FIZ1: variants seen among roughly 807,000 people sequenced by gnomAD.
FIZ1 encodes the protein FLT3 interacting zinc finger 1, also known as flt3-interacting zinc finger protein 1.
In FIZ1, 2 loss-of-function variants were observed where a neutral mutation model predicts 5.3. That is an observed-to-expected ratio of 0.37 (90% confidence interval 0.15 to 1.18). The LOEUF is 1.18. Ranked by LOEUF, FIZ1 falls within the 50% of genes most tolerant of loss-of-function variation. The probability of loss-of-function intolerance (pLI) is 0.37; values close to 1 mark genes in which losing one functional copy is unlikely to be tolerated. For synonymous variants in FIZ1, 407 were observed against 364.2 expected, an observed-to-expected ratio of 1.12 and a Z score of -1.34; for missense variants, 631 against 749.7, an observed-to-expected ratio of 0.84 and a Z score of 1.85.
At chr19:55,594,710 A>G (rs1980238528) in intron 2 of FIZ1, among the ~76,000 whole-genome samples, 1 of 151,402 alleles carries the variant, frequency 6.6e-6, no homozygotes, top group Non-Finnish European at 1.5e-5. Flanking sequence ...AAAAAAAAAA[A>G]AAAAAAAAGA....
In FIZ1 at chr19:55,594,485, CAGG is replaced by C. The variant is rs373635258; in HGVS notation, c.295-842_295-840del. Among the ~76,000 whole-genome samples, 1,481 of 150,702 alleles carry C rather than the reference CAGG, an allele frequency of 9.8e-3. 33 individuals are homozygous for C. The highest frequency in any genetic ancestry group is 0.035 in the African/African-American group (1,416 of 40,878). ...GGCCGAGGCGGGCGGATCATGAGGT[CAGG>C]AGATCGAGACCATCCTGGCTAACAC... On this transcript the variant is annotated intron_variant, in intron 2 of 2. Coordinates refer to ENST00000221665, the MANE Select transcript of FIZ1 (RefSeq NM_032836.3).
intron 1 of FIZ1, 159 bp from the exon 2 acceptor site, chr19:55,598,060 T>C (rs572314231): frequency 1.2e-6 from 1 of 850,430 alleles, no homozygotes; most frequent in Non-Finnish European, 1.8e-6. Flanking sequence ...TCCTACTCTC[T>C]TAGAAACCCT....
chr19:55,595,972 CCATA>C (rs1307658830), intron 2 of FIZ1, among the ~76,000 whole-genome samples: 1 of 152,200 alleles, frequency 6.6e-6, no homozygotes, highest in Admixed American at 6.5e-5. Context: ...TGACTCGAGG[CCATA>C]CAAAGGGTGG....
rs71181796 is a variant in FIZ1 at position 55,594,696 on chromosome 19, C to CAA, written c.295-1052_295-1051dup. 9.8e-3 allele frequency among the ~76,000 whole-genome samples: 839 copies of CAA among 86,004 alleles called. 19 individuals carry two copies. The highest frequency in any genetic ancestry group is 0.014 in the Middle Eastern group (2 of 142). 56.4% of individuals were successfully genotyped at this position (86,004 alleles called of 152,430 possible). A position where few individuals can be genotyped will look rare whatever the true frequency, so the allele number is the denominator to read the frequency against. On this transcript the variant is annotated intron_variant, in intron 2 of 2. Coordinates refer to ENST00000221665, the MANE Select transcript of FIZ1 (RefSeq NM_032836.3). ...TGGGCGACAGAGCGAGACTCTGTCT[C>CAA]AAAAAAAAAAAAAAAAAAAAAAGAA...
In FIZ1 at chr19:55,593,265, T is replaced by C; in HGVS notation, c.676A>G (p.Lys226Glu). The C allele has an allele frequency of 7.8e-7, 1 of 1,276,014 alleles. No individual in the cohort carries two copies. Among genetic ancestry groups the C allele is most frequent in the Non-Finnish European group, 1.0e-6 (1 of 1,003,196 alleles). 79.0% of individuals were successfully genotyped at this position (1,276,014 alleles called of 1,614,324 possible). A position where few individuals can be genotyped will look rare whatever the true frequency, so the allele number is the denominator to read the frequency against. ...AAHWAAHTDV[K>E]PFKCPRCERD... is the part of the protein sequence containing the mutation. ...TCGCAGCGCGGGCACTTGAAGGGCTTCACGTCGGTGTGCGCCGCCCAGTGG... is the reference window on the plus strand; with the variant it reads ...TCGCAGCGCGGGCACTTGAAGGGCTCCACGTCGGTGTGCGCCGCCCAGTGG... The change falls in exon 3 of 3, where the codon AAG (lysine) becomes GAG (glutamate). Residue 226 changes from lysine to glutamate, a missense_variant. Lys to Glu is a moderately conservative substitution (Grantham distance 56, BLOSUM62 1). Around this residue, in one of 4 missense-constraint regions of FIZ1, gnomAD observed 463 missense variants for 455.1 expected, o/e 1.02. Transcript: ENST00000221665. The surrounding 1 kb of genome is among the most constrained non-coding windows in gnomAD (Gnocchi z 6.3).
At chr19:55,597,287 G>A (rs964807827) in intron 2 of FIZ1, among the ~76,000 whole-genome samples, 3 of 152,240 alleles carry the variant, frequency 2.0e-5, no homozygotes, top group Non-Finnish European at 2.9e-5. Flanking sequence ...ATGCTGGTGC[G>A]TGCACGCGGG....
chr19:55,593,035 C>T lies in FIZ1; in HGVS notation c.906G>A (p.Val302=). 7.1e-7 allele frequency: 1 copy of T among 1,416,988 alleles called. No individual in the cohort carries two copies. The highest frequency in any genetic ancestry group is 1.4e-5 in the South Asian group (1 of 70,428). The allele number at this position is 1,416,988 out of a possible 1,614,324, so 87.8% of individuals were successfully genotyped here. The change falls in exon 3 of 3, where the codon GTG becomes GTA. Residue 302 remains valine (V), a synonymous_variant. Transcript: ENST00000221665. This position sits in a 1 kb window ranked among gnomAD's most constrained non-coding sequence, Gnocchi z 6.3. ...CGGGGAGCAGCCCCCCGAGCTTGGG[C>T]ACGCCGCCCCCCGCGGGGCCCAGGA... ...RLLLGPAGGG[V]PKLGGLLPEG... is the part of the protein sequence containing the mutation.
rs1176146887 is a variant in FIZ1, at chr19:55,597,500, T to C, written c.294+72A>G. Reference sequence around the variant, plus strand: ...TGGGCCAGCTTCCTTTTGCCCAGAGTACAGTGGGGCGCGGGATCCCACCGT... The same window carrying C: ...TGGGCCAGCTTCCTTTTGCCCAGAGCACAGTGGGGCGCGGGATCCCACCGT... On this transcript the variant is annotated intron_variant, in intron 2 of 2. Transcript: ENST00000221665. 2.0e-6 allele frequency: 3 copies of C among 1,525,116 alleles called. No homozygotes were observed. In the Admixed American group the frequency reaches 5.9e-5, roughly 30 times the overall value. The allele number at this position is 1,525,116 out of a possible 1,614,324, so 94.5% of individuals were successfully genotyped here.
At chr19:55,596,188 A>AG (rs1980317344) in intron 2 of FIZ1, among the ~76,000 whole-genome samples, 1 of 152,138 alleles carries the variant, frequency 6.6e-6, no homozygotes, top group Admixed American at 6.5e-5. Context: ...GGATTTAAGC[A>AG]GGGGTCACCT....
rs1980424763 is a variant in FIZ1, at chr19:55,598,129, T to C, written c.-36-228A>G. On this transcript the variant is annotated intron_variant, in intron 1 of 2. Coordinates refer to ENST00000221665, the MANE Select transcript of FIZ1 (RefSeq NM_032836.3). ...CCTAATCACTTCATAGTCTCCTCAC[T>C]CCACGGAGTGTTTTTAAGCCTCTCC... is the stretch of plus-strand genomic sequence containing the variant. 8.9e-6 allele frequency: 5 copies of C among 559,654 alleles called. No individual in the cohort carries two copies. In the East Asian group the frequency reaches 1.5e-4, roughly 17 times the overall value. The allele number at this position is 559,654 out of a possible 1,614,324, so 34.7% of individuals were successfully genotyped here. A position where few individuals can be genotyped will look rare whatever the true frequency, so the allele number is the denominator to read the frequency against.
At position 55,594,398 on chromosome 19, in the gene FIZ1, C is replaced by CAAA. The variant is rs1209856747; in HGVS notation, c.295-755_295-753dup. 5.0e-4 allele frequency among the ~76,000 whole-genome samples: 32 copies of CAAA among 63,804 alleles called. 1 individual carries two copies. Among genetic ancestry groups the CAAA allele is most frequent in the South Asian group, 1.4e-3 (2 of 1,448 alleles). 41.9% of individuals were successfully genotyped at this position (63,804 alleles called of 152,430 possible). On this transcript the variant is annotated intron_variant, in intron 2 of 2. Coordinates refer to ENST00000221665, the MANE Select transcript of FIZ1 (RefSeq NM_032836.3). Reference sequence around the variant, plus strand: ...TGGGTGACAGAGCGAGACTCTGTCTCAAAAAAAAAAAAAAAAAGCCCGGGT... The same window carrying CAAA: ...TGGGTGACAGAGCGAGACTCTGTCTCAAAAAAAAAAAAAAAAAAAAGCCCGGGT...
chr19:55,592,597 G>A lies in FIZ1; in HGVS notation c.1344C>T (p.Gly448=). 1 of 1,613,476 alleles carries A rather than the reference G, an allele frequency of 6.2e-7. No homozygotes were observed. The highest frequency in any genetic ancestry group is 8.5e-7 in the Non-Finnish European group (1 of 1,179,812). Residue 448 remains glycine (G), a synonymous_variant, in exon 3 of 3, where the codon GGC becomes GGT. Transcript: ENST00000221665. The surrounding 1 kb of genome is among the most constrained non-coding windows in gnomAD (Gnocchi z 6.9). ...GEKPFPCLEC[G]KFFRHECYLK... Reference sequence around the variant, plus strand: ...GGTAGCACTCGTGGCGGAAGAACTTGCCGCACTCCAGGCACGGGAACGGCT... The same window carrying A: ...GGTAGCACTCGTGGCGGAAGAACTTACCGCACTCCAGGCACGGGAACGGCT...
Position 55,591,913 on chromosome 19 carries a change from T to G in FIZ1, c.*537A>C. 1 of 153,456 alleles carries G rather than the reference T, an allele frequency of 6.5e-6. No individual in the cohort carries two copies. Among genetic ancestry groups the G allele is most frequent in the Non-Finnish European group, 1.5e-5 (1 of 68,684 alleles). The allele number at this position is 153,456 out of a possible 1,614,324, so 9.5% of individuals were successfully genotyped here. ...GGGAATGAAAAAGGGGAAAGGCAGATTTCGGCTATATCCATTTTCTGGGGT... is the reference window on the plus strand; with the variant it reads ...GGGAATGAAAAAGGGGAAAGGCAGAGTTCGGCTATATCCATTTTCTGGGGT... On this transcript the variant is annotated 3_prime_UTR_variant, in exon 3 of 3. Coordinates refer to ENST00000221665, the MANE Select transcript of FIZ1 (RefSeq NM_032836.3).
chr19:55,593,690 T>TC lies in FIZ1; in HGVS notation c.295-45_295-44insG. ...GGGCACAACGTCAGGGCTGAGAACC[T>TC]AGCCCGGACAACGGATTCCTGGACT... On this transcript the variant is annotated intron_variant, in intron 2 of 2. Transcript: ENST00000221665. This position sits in a 1 kb window ranked among gnomAD's most constrained non-coding sequence, Gnocchi z 6.3. 1 of 1,514,078 alleles carries TC rather than the reference T, an allele frequency of 6.6e-7. No individual in the cohort carries two copies. Among genetic ancestry groups the TC allele is most frequent in the Non-Finnish European group, 9.0e-7 (1 of 1,114,562 alleles). 93.8% of individuals were successfully genotyped at this position (1,514,078 alleles called of 1,614,324 possible). A position where few individuals can be genotyped will look rare whatever the true frequency, so the allele number is the denominator to read the frequency against.
rs1420591778 is a variant in FIZ1, at chr19:55,597,671, G to A, written c.195C>T (p.Asn65=). ...TGTGCGAGCGCAGGTGGTTGGCTAG[G>A]TTGAAGCTGTGCTTGAAACCCTTGC... The part of the protein sequence containing the change: ...RCGKGFKHSF[N]LANHLRSHTG... Residue 65 remains asparagine (N), a synonymous_variant, in exon 2 of 3, where the codon AAC becomes AAT. Coordinates refer to ENST00000221665, the MANE Select transcript of FIZ1 (RefSeq NM_032836.3). 5 of 1,613,870 alleles carry A rather than the reference G, an allele frequency of 3.1e-6. No homozygotes were observed. The highest frequency in any genetic ancestry group is 1.3e-5 in the African/African-American group (1 of 74,930).
chr19:55,592,344 G>C lies in FIZ1; in HGVS notation c.*106C>G. 3 of 1,167,332 alleles carry C rather than the reference G, an allele frequency of 2.6e-6. No homozygotes were observed. Among genetic ancestry groups the C allele is most frequent in the Non-Finnish European group, 3.5e-6 (3 of 855,704 alleles). 72.3% of individuals were successfully genotyped at this position (1,167,332 alleles called of 1,614,324 possible). The stretch of plus-strand genomic sequence containing the variant: ...TCCCCTCATTTCAGGGCCTGCGTCT[G>C]GATTTGGATTTGGAGGGCCGGGGCC... On this transcript the variant is annotated 3_prime_UTR_variant, in exon 3 of 3. Transcript: ENST00000221665. The surrounding 1 kb of genome is among the most constrained non-coding windows in gnomAD (Gnocchi z 6.9).
Position 55,596,930 on chromosome 19 carries a change from C to G in FIZ1, c.294+642G>C, listed in dbSNP as rs192716805. On this transcript the variant is annotated intron_variant, in intron 2 of 2. Transcript: ENST00000221665. ...TCATGATCTGCCCACCTCGGCCTCCCAAAGTGCTGGGATTACAGGTGTGAG... is the reference window on the plus strand; with the variant it reads ...TCATGATCTGCCCACCTCGGCCTCCGAAAGTGCTGGGATTACAGGTGTGAG... Among the ~76,000 whole-genome samples, 31 of 152,332 alleles carry G rather than the reference C, an allele frequency of 2.0e-4. No individual in the cohort carries two copies. In the East Asian group the frequency reaches 5.0e-3, roughly 25 times the overall value.
Position 55,597,831 on chromosome 19 carries a change from G to T in FIZ1, c.35C>A (p.Ala12Glu). Residue 12 changes from alanine (A) to glutamate (E), a missense_variant, in exon 2 of 3, where the codon GCA becomes GAA. By Grantham distance (107) the Ala-to-Glu change is moderately radical. This residue lies in a region of FIZ1 where 39 missense variants were observed against 34.3 expected (regional missense o/e 1.14). Coordinates refer to ENST00000221665, the MANE Select transcript of FIZ1 (RefSeq NM_032836.3). ...CCTGGGGGCGGCAGCGGCGGGCGGT[G>T]CTGGTGCAGGGGTTGGGGCGGGGAC... is the stretch of plus-strand genomic sequence containing the variant. ...DDVPAPTPAP[A>E]PPAAAAPRVP... 1 of 1,609,694 alleles carries T rather than the reference G, an allele frequency of 6.2e-7. No individual in the cohort carries two copies. The highest frequency in any genetic ancestry group is 8.5e-7 in the Non-Finnish European group (1 of 1,178,134).
At position 55,592,432 on chromosome 19, in the gene FIZ1, GCGCA is replaced by G. The variant is rs1980050797; in HGVS notation, c.*14_*17del. On this transcript the variant is annotated 3_prime_UTR_variant, in exon 3 of 3. Transcript: ENST00000221665. This position sits in a 1 kb window ranked among gnomAD's most constrained non-coding sequence, Gnocchi z 6.9. ...TCCAGGAGGCTGGGTGGAGGGCAGGGCGCACGCAGCCTGGCAGTCAGTCCATGCC... is the reference window on the plus strand; with the variant it reads ...TCCAGGAGGCTGGGTGGAGGGCAGGGCGCAGCCTGGCAGTCAGTCCATGCC... 6.5e-7 allele frequency: 1 copy of G among 1,530,676 alleles called. No homozygotes were observed. Among genetic ancestry groups the G allele is most frequent in the Admixed American group, 2.0e-5 (1 of 50,246 alleles). 94.8% of individuals were successfully genotyped at this position (1,530,676 alleles called of 1,614,324 possible).
Sources: allele counts gnomAD v4.1 joint callset (sites outside exome capture counted in the v4.1 genomes callset), GRCh38; gene constraint gnomAD v4.1.1; regional missense constraint gnomAD v4.1.1; non-coding constraint Gnocchi (gnomAD v3.1); transcripts MANE v1.5; gene names NCBI Gene and HGNC (gene_info 2026-07-23, HGNC 2026-07-21).